ABCA1: variants seen among roughly 807,000 people sequenced by gnomAD.
ABCA1 encodes the protein phospholipid-transporting ATPase ABCA1.
Under a neutral mutation model 262.5 loss-of-function variants are expected in ABCA1, and 133 were observed. The ratio of observed to expected loss-of-function variants is 0.51; its 90% CI spans 0.44 to 0.59. ABCA1 has a LOEUF of 0.59. Ranked by LOEUF, ABCA1 falls within the 20% of genes least tolerant of loss-of-function variation. The pLI is 0.00. For synonymous variants in ABCA1, 1,022 were observed against 1,043.5 expected (o/e 0.98, Z 0.40); for missense variants, 2,452 against 2,777.5 (o/e 0.88, Z 2.63).
chr9:104,867,939 C>G (rs1837237279), intron 5 of ABCA1, among the ~76,000 whole-genome samples: 1 of 152,196 alleles, frequency 6.6e-6, no homozygotes, highest in Non-Finnish European at 1.5e-5. Context: ...TTACCTGACA[C>G]TGAAAGGAAC....
chr9:104,868,696 G>A (rs191155633), intron 5 of ABCA1, among the ~76,000 whole-genome samples: 2 of 152,286 alleles, frequency 1.3e-5, no homozygotes, highest in Admixed American at 1.3e-4. Context: ...TGTAAAGTGG[G>A]GCAAAGGAAA....
In ABCA1 at chr9:104,804,784, T is replaced by A. The variant is rs1357279317; in HGVS notation, c.4465-64A>T. ...GACAAGAATTGAAACAGAAAACAAATCAAGGACAACAGTGACCATGTCCAC... is the reference window on the plus strand; with the variant it reads ...GACAAGAATTGAAACAGAAAACAAAACAAGGACAACAGTGACCATGTCCAC... On this transcript the variant is annotated intron_variant, in intron 31 of 49. Transcript: ENST00000374736. 5 of 1,398,566 alleles carry A rather than the reference T, an allele frequency of 3.6e-6. No homozygotes were observed. The East Asian group carries it at 1.1e-4, about 32-fold the overall frequency. The allele number at this position is 1,398,566 out of a possible 1,614,324, so 86.6% of individuals were successfully genotyped here.
chr9:104,868,002 A>G (rs762752366), intron 5 of ABCA1, among the ~76,000 whole-genome samples: 1 of 152,242 alleles, frequency 6.6e-6, no homozygotes, highest in South Asian at 2.1e-4. Flanking sequence ...TCTGAATTCA[A>G]GAGTCAGCTC....
intron 2 of ABCA1, 128 bp from the exon 3 acceptor site, chr9:104,889,323 ACT>A (rs1839500177): frequency 1.3e-6 from 2 of 1,533,736 alleles, no homozygotes; most frequent in South Asian, 1.2e-5. Flanking sequence ...CTCTCCCACC[ACT>A]CTCTAAGCTT....
At chr9:104,908,527 C>T (rs993706073) in intron 1 of ABCA1, among the ~76,000 whole-genome samples, 5 of 152,060 alleles carry the variant, frequency 3.3e-5, no homozygotes, top group Admixed American at 6.6e-5. Flanking sequence ...ATTAGTTGGG[C>T]GTGGCGGTGG....
intron 5 of ABCA1, among the ~76,000 whole-genome samples, chr9:104,873,510 T>G (rs1210785240): frequency 6.6e-6 from 1 of 152,224 alleles, no homozygotes. Flanking sequence ...AGCCAGCCCA[T>G]GCCCCATGTC....
chr9:104,832,694 G>A lies in ABCA1; in HGVS notation c.1389C>T (p.Ile463=), dbSNP rs376577965. The A allele has an allele frequency of 1.5e-5, 25 of 1,614,030 alleles. No homozygotes were observed. The highest frequency in any genetic ancestry group is 2.2e-5 in the East Asian group (1 of 44,894). ...CTGGGTGCTTGGCCAAAAACGCCAC[G>A]ATGTCTTGGGCTGTCCAATCTAAGC... ...LDGLDWTAQD[I]VAFLAKHPED... is the part of the protein sequence containing the mutation. Residue 463 remains isoleucine (I), a synonymous_variant, in exon 12 of 50, where the codon ATC becomes ATT. Transcript: ENST00000374736.
At chr9:104,810,688 G>T in intron 29 of ABCA1, 112 bp downstream of exon 29, 1 of 1,537,992 alleles carries the variant, frequency 6.5e-7, no homozygotes, top group Non-Finnish European at 9.0e-7. Flanking sequence ...CTGAGCCGCA[G>T]CAGTAAAATT....
intron 1 of ABCA1, among the ~76,000 whole-genome samples, chr9:104,923,615 G>A (rs1842266417): frequency 6.6e-6 from 1 of 152,236 alleles, no homozygotes; most frequent in African/African-American, 2.4e-5. Flanking sequence ...TAGTGCTGGA[G>A]TTAAAGAACT....
intron 7 of ABCA1, among the ~76,000 whole-genome samples, chr9:104,849,873 T>A (rs1020308398): frequency 1.3e-5 from 2 of 152,172 alleles, no homozygotes; most frequent in Non-Finnish European, 2.9e-5. Flanking sequence ...CCAAATGAAG[T>A]GGCAGGCCAA....
At chr9:104,808,716 T>C (rs919249946) in intron 30 of ABCA1, among the ~76,000 whole-genome samples, 2 of 152,212 alleles carry the variant, frequency 1.3e-5, no homozygotes, top group African/African-American at 4.8e-5. Context: ...AAGTCAAGTT[T>C]GCCCCCTCTC....
chr9:104,879,309 T>A (rs1432861084), intron 5 of ABCA1, among the ~76,000 whole-genome samples: 2 of 152,164 alleles, frequency 1.3e-5, no homozygotes, highest in Non-Finnish European at 2.9e-5. Flanking sequence ...AGATACTACA[T>A]TAGGTTTTAT....
chr9:104,861,210 AG>A (rs1836356738), intron 6 of ABCA1, among the ~76,000 whole-genome samples: 1 of 152,196 alleles, frequency 6.6e-6, no homozygotes, highest in Non-Finnish European at 1.5e-5. Context: ...AGCAAGCAAC[AG>A]TTCTCAACTC....
rs543780243 is a variant in ABCA1, at chr9:104,900,053, C to G, written c.66+3561G>C. Among the ~76,000 whole-genome samples the G allele has an allele frequency of 1.7e-4, 26 of 152,282 alleles. No individual in the cohort carries two copies. The South Asian group carries it at 2.1e-3, about 12-fold the overall frequency. On this transcript the variant is annotated intron_variant, in intron 2 of 49. Transcript: ENST00000374736. ...AAACTAACCCTGGCTGATGGTCCCC[C>G]CTCAGTCTGCACAATGGGGGTACAG...
intron 11 of ABCA1, among the ~76,000 whole-genome samples, chr9:104,834,958 G>A (rs1588348564): frequency 6.6e-6 from 1 of 152,252 alleles, no homozygotes; most frequent in East Asian, 1.9e-4. Flanking sequence ...CTTTAAGAGA[G>A]GGAAGAAAGG....
In ABCA1 at chr9:104,781,212, T is replaced by A. The variant is rs1828527034; in HGVS notation, c.*3103A>T. ...TCAGATATTCCAGTGCAAAAATAGATCCCATTACAGACAGCGTAAAGTGCT... is the reference window on the plus strand; with the variant it reads ...TCAGATATTCCAGTGCAAAAATAGAACCCATTACAGACAGCGTAAAGTGCT... On this transcript the variant is annotated 3_prime_UTR_variant, in exon 50 of 50. Coordinates refer to ENST00000374736, the MANE Select transcript of ABCA1 (RefSeq NM_005502.4). 1 of 152,578 alleles carries A rather than the reference T, an allele frequency of 6.6e-6. No individual in the cohort carries two copies. Among genetic ancestry groups the A allele is most frequent in the Non-Finnish European group, 1.5e-5 (1 of 68,018 alleles). The allele number at this position is 152,578 out of a possible 1,614,324, so 9.5% of individuals were successfully genotyped here. A position where few individuals can be genotyped will look rare whatever the true frequency, so the allele number is the denominator to read the frequency against.
intron 5 of ABCA1, among the ~76,000 whole-genome samples, chr9:104,862,190 G>A (rs1467693929): frequency 2.0e-5 from 3 of 151,310 alleles, no homozygotes; most frequent in Admixed American, 6.6e-5. Context: ...TGCAACCCCC[G>A]CCTCCCGGGT....
Position 104,812,663 on chromosome 9 carries a change from C to T in ABCA1, c.3961G>A (p.Gly1321Ser). The T allele has an allele frequency of 6.2e-7, 1 of 1,614,230 alleles. No homozygotes were observed. Among genetic ancestry groups the T allele is most frequent in the Non-Finnish European group, 8.5e-7 (1 of 1,180,046 alleles). ...MDGKGSYQVK[G>S]WKLTQQQFVA... ...AACTGTTGCTGTGTAAGTTTCCAGC[C>T]TTTCACCTGGTAGGACCCTTTGCCA... The change falls in exon 28 of 50, where the codon GGC becomes AGC. Residue 1321 changes from glycine (G) to serine (S), a missense_variant. This residue lies in a region of ABCA1 where 665 missense variants were observed against 727.3 expected (regional missense o/e 0.91). Coordinates refer to ENST00000374736, the MANE Select transcript of ABCA1 (RefSeq NM_005502.4).
chr9:104,783,536 A>C lies in ABCA1; in HGVS notation c.*779T>G, dbSNP rs1452712109. 6.6e-6 allele frequency: 1 copy of C among 152,214 alleles called. No homozygotes were observed. The highest frequency in any genetic ancestry group is 1.5e-5 in the Non-Finnish European group (1 of 68,058). The allele number at this position is 152,214 out of a possible 1,614,324, so 9.4% of individuals were successfully genotyped here. On this transcript the variant is annotated 3_prime_UTR_variant, in exon 50 of 50. Coordinates refer to ENST00000374736, the MANE Select transcript of ABCA1 (RefSeq NM_005502.4). Reference sequence around the variant, plus strand: ...TTGCCTCTTACCAGGATCTAAGTATATTTAAGAGTCTCATAAGGATGACCC... The same window carrying C: ...TTGCCTCTTACCAGGATCTAAGTATCTTTAAGAGTCTCATAAGGATGACCC...
Sources: allele counts gnomAD v4.1 joint callset (sites outside exome capture counted in the v4.1 genomes callset), GRCh38; gene constraint gnomAD v4.1.1; regional missense constraint gnomAD v4.1.1; transcripts MANE v1.5; gene names NCBI Gene and HGNC (gene_info 2026-07-23, HGNC 2026-07-21).